Variants in COL6A3 observed in about 807,000 individuals in gnomAD.
COL6A3 encodes collagen alpha-3(VI) chain.
Under a neutral mutation model 274.1 loss-of-function variants are expected in COL6A3, and 137 were observed. The ratio of observed to expected loss-of-function variants is 0.50; its 90% CI spans 0.44 to 0.58. The LOEUF (loss-of-function observed/expected upper bound fraction) is 0.58, where lower values mean the gene tolerates loss of function less well. Among genes scored for constraint, COL6A3 ranks in the 20% least tolerant of loss-of-function variants. The pLI is 0.00. For missense variants in COL6A3, 3,950 were observed against 4,124.9 expected (o/e 0.96, Z 1.16); for synonymous variants, 1,650 against 1,650.6 (o/e 1.00, Z 0.01).
Position 237,374,817 on chromosome 2 carries a change from C to T in COL6A3, c.3274G>A (p.Val1092Ile), listed in dbSNP as rs576798969. 32 of 1,614,044 alleles carry T rather than the reference C, an allele frequency of 2.0e-5. No individual in the cohort carries two copies. The highest frequency in any genetic ancestry group is 5.5e-5 in the South Asian group (5 of 91,082). Residue 1092 changes from valine (V) to isoleucine (I), a missense_variant, in exon 8 of 44, where the codon GTC becomes ATC. By Grantham distance (29) the Val-to-Ile change is conservative. Around this residue, in one of 5 missense-constraint regions of COL6A3, gnomAD observed 1,934 missense variants for 1,984.3 expected, o/e 0.97. Coordinates refer to ENST00000295550, the MANE Select transcript of COL6A3 (RefSeq NM_004369.4). The surrounding 1 kb of genome is among the most constrained non-coding windows in gnomAD (Gnocchi z 4.8). Reference sequence around the variant, plus strand: ...AGGGTCAGCTGGCGGACAGCGTTGACGACGTCCTGCTTGTTCATGTATGAA... The same window carrying T: ...AGGGTCAGCTGGCGGACAGCGTTGATGACGTCCTGCTTGTTCATGTATGAA... Reference protein sequence around the residue: ...LNSYMNKQDVVNAVRQLTLLG... With the variant: ...LNSYMNKQDVINAVRQLTLLG...
rs77181645 is a variant in COL6A3, at chr2:237,378,645, C to A, written c.2488G>T (p.Ala830Ser). 14,266 of 1,612,522 alleles carry A rather than the reference C, an allele frequency of 8.8e-3. 533 individuals are homozygous for A. In the Admixed American group the frequency reaches 0.094, roughly 11 times the overall value. The part of the protein sequence containing the change: ...VSGGVEEVPL[A>S]QPESKRDILF... ...AACAGGGGAGGTTTACCTGGCTGAG[C>A]GAGTGGTACTTCCTCCACACCTCCA... The change falls in exon 6 of 44, where the codon GCT becomes TCT. Residue 830 changes from alanine to serine, a missense_variant. Ala to Ser is a moderately conservative substitution (Grantham distance 99). Coordinates refer to ENST00000295550, the MANE Select transcript of COL6A3 (RefSeq NM_004369.4).
intron 41 of COL6A3, 136 bp from the exon 42 acceptor site, chr2:237,333,684 C>G: frequency 1.3e-6 from 1 of 747,388 alleles, no homozygotes; most frequent in Non-Finnish European, 2.3e-6. Flanking sequence ...GACACAGATC[C>G]AAGACACCTC....
chr2:237,404,662 G>T (rs754967712), intron 1 of COL6A3, among the ~76,000 whole-genome samples: 9 of 152,138 alleles, frequency 5.9e-5, no homozygotes, highest in Non-Finnish European at 1.2e-4. Flanking sequence ...GCCTTGAGCA[G>T]GTTTTGCTAA....
At position 237,387,632 on chromosome 2, in the gene COL6A3, C is replaced by A. The variant is rs1424319530; in HGVS notation, c.1262G>T (p.Gly421Val). Reference protein sequence around the residue: ...LQEKLLPYIVGVAQRHIVLKP... With the variant: ...LQEKLLPYIVVVAQRHIVLKP... ...CAAGACAATGTGCCTTTGGGCCACGCCAACAATGTACGGCAGTAATTTCTC... is the reference window on the plus strand; with the variant it reads ...CAAGACAATGTGCCTTTGGGCCACGACAACAATGTACGGCAGTAATTTCTC... The change falls in exon 4 of 44, where the codon GGC (glycine) becomes GTC (valine). Residue 421 changes from glycine (G) to valine (V), a missense_variant. Physicochemically the swap from Gly to Val is moderately radical, Grantham distance 109 (BLOSUM62 -3). Transcript: ENST00000295550. The A allele has an allele frequency of 4.3e-6, 7 of 1,613,780 alleles. No homozygotes were observed. Among genetic ancestry groups the A allele is most frequent in the South Asian group, 1.1e-5 (1 of 90,936 alleles).
Position 237,340,557 on chromosome 2 carries a change from C to T in COL6A3, c.8359G>A (p.Ala2787Thr), listed in dbSNP as rs763395740. The change falls in exon 38 of 44, where the codon GCC (alanine) becomes ACC (threonine). Residue 2787 changes from alanine (A) to threonine (T), a missense_variant. Physicochemically the swap from Ala to Thr is moderately conservative, Grantham distance 58. Coordinates refer to ENST00000295550, the MANE Select transcript of COL6A3 (RefSeq NM_004369.4). ...AAGAAGACGTCGTTTGGCTCACTGG[C>T]GAAGGTGTATACCTCCTTGATGTTC... ...KVNIKEVYTFASEPNDVFFKL... is the reference protein window; with the variant it reads ...KVNIKEVYTFTSEPNDVFFKL... 76 of 1,614,156 alleles carry T rather than the reference C, an allele frequency of 4.7e-5. No homozygotes were observed. The highest frequency in any genetic ancestry group is 1.8e-4 in the Admixed American group (11 of 60,024).
chr2:237,342,072 A>G lies in COL6A3; in HGVS notation c.7758T>C (p.Val2586=). Residue 2586 remains valine (V), a synonymous_variant, in exon 37 of 44, where the codon GTT becomes GTC. Transcript: ENST00000295550. The part of the protein sequence containing the change: ...DFLENVLTCH[V]CLDICNIDPS... ...GTTAGAGAAACAGCTTACCCAAGCA[A>G]ACATGACACGTGAGGACATTCTCCA... is the stretch of plus-strand genomic sequence containing the variant. The G allele has an allele frequency of 1.2e-6, 2 of 1,614,202 alleles. No individual in the cohort carries two copies. The highest frequency in any genetic ancestry group is 1.7e-6 in the Non-Finnish European group (2 of 1,180,014).
intron 7 of COL6A3, among the ~76,000 whole-genome samples, 198 bp from the exon 8 acceptor site, chr2:237,375,218 G>A (rs2077805867): frequency 6.6e-6 from 1 of 152,210 alleles, no homozygotes; most frequent in Non-Finnish European, 1.5e-5. Flanking sequence ...TGGGCCCAAT[G>A]TAATCAATCA....
At chr2:237,353,438 G>A (rs1431805931) in intron 24 of COL6A3, 35 bp from the exon 25 acceptor site, 2 of 1,581,158 alleles carry the variant, frequency 1.3e-6, no homozygotes, top group Non-Finnish European at 1.7e-6. Flanking sequence ...GAGGAGTCAG[G>A]ATGGTTCCTG....
At chr2:237,350,113 C>A (rs113689232) in intron 28 of COL6A3, 34 bp downstream of exon 28, 4 of 1,607,480 alleles carry the variant, frequency 2.5e-6, no homozygotes, top group Admixed American at 3.3e-5. Context: ...AAAGAGTCAG[C>A]GACAGCCTGA....
intron 3 of COL6A3, among the ~76,000 whole-genome samples, chr2:237,392,047 T>C (rs949283792): frequency 9.2e-5 from 14 of 152,122 alleles, no homozygotes; most frequent in African/African-American, 3.4e-4. Context: ...GTGAGGCCTG[T>C]CATTTGGAAG....
In COL6A3 at chr2:237,348,659, T is replaced by C; in HGVS notation, c.6884A>G (p.Asp2295Gly). Residue 2295 changes from aspartate to glycine, a missense_variant, in exon 29 of 44, where the codon GAT becomes GGT. By Grantham distance (94) the Asp-to-Gly change is moderately conservative (BLOSUM62 -1). Around this residue, in one of 5 missense-constraint regions of COL6A3, gnomAD observed 1,284 missense variants for 1,349.7 expected, o/e 0.95. Transcript: ENST00000295550. The part of the protein sequence containing the change: ...GNRGPRGETG[D>G]DGRDGVGSEG... The stretch of plus-strand genomic sequence containing the variant: ...ACTGCCAACTCCGTCTCTCCCGTCA[T>C]CTCCCTAAGAGTGGGAAAGAGATGT... The C allele has an allele frequency of 1.2e-6, 2 of 1,614,144 alleles. No homozygotes were observed. The highest frequency in any genetic ancestry group is 8.5e-7 in the Non-Finnish European group (1 of 1,180,010).
At chr2:237,395,394 G>A (rs1441980876) in intron 2 of COL6A3, among the ~76,000 whole-genome samples, 190 bp from the exon 3 acceptor site, 5 of 152,178 alleles carry the variant, frequency 3.3e-5, no homozygotes, top group African/African-American at 1.2e-4. Flanking sequence ...CTCAATAGCT[G>A]CTGGTGCCCA....
At position 237,344,055 on chromosome 2, in the gene COL6A3, A is replaced by G. The variant is rs556316320; in HGVS notation, c.7668+295T>C. The G allele has an allele frequency of 1.2e-4, 59 of 483,752 alleles. No individual in the cohort carries two copies. The Middle Eastern group carries it at 3.0e-3, about 25-fold the overall frequency. 30.0% of individuals were successfully genotyped at this position (483,752 alleles called of 1,614,324 possible). ...ATGAATAAAGCAAACAAGTCACACCACCTTGTTAGTAGATAGAGAGTGTCA... is the reference window on the plus strand; with the variant it reads ...ATGAATAAAGCAAACAAGTCACACCGCCTTGTTAGTAGATAGAGAGTGTCA... On this transcript the variant is annotated intron_variant, in intron 36 of 43. Transcript: ENST00000295550. The surrounding 1 kb of genome is among the most constrained non-coding windows in gnomAD (Gnocchi z 4.8).
At chr2:237,397,152 A>AGG (rs2078467408) in intron 1 of COL6A3, among the ~76,000 whole-genome samples, 1 of 131,592 alleles carries the variant, frequency 7.6e-6, no homozygotes, top group African/African-American at 2.9e-5. Flanking sequence ...AGGGAAGGGA[A>AGG]GAGAAGGGAA....
Position 237,413,238 on chromosome 2 carries a change from C to T in COL6A3, c.-31+715G>A, listed in dbSNP as rs932611689. The stretch of plus-strand genomic sequence containing the variant: ...AGCCCCAGGGGCCCTGCCTTAGACA[C>T]TCAGCATGCTGCCCAAATGCCCAAT... On this transcript the variant is annotated intron_variant, in intron 1 of 43. Coordinates refer to ENST00000295550, the MANE Select transcript of COL6A3 (RefSeq NM_004369.4). The surrounding 1 kb of genome is among the most constrained non-coding windows in gnomAD (Gnocchi z 4.0). Among the ~76,000 whole-genome samples, 5 of 152,228 alleles carry T rather than the reference C, an allele frequency of 3.3e-5. No homozygotes were observed. Among genetic ancestry groups the T allele is most frequent in the African/African-American group, 1.2e-4 (5 of 41,462 alleles).
At chr2:237,398,117 G>A (rs1379902278) in intron 1 of COL6A3, among the ~76,000 whole-genome samples, 1 of 152,180 alleles carries the variant, frequency 6.6e-6, no homozygotes, top group African/African-American at 2.4e-5. Context: ...CAGCAGCTGG[G>A]ACCATGTCAA....
intron 8 of COL6A3, 65 bp from the exon 9 acceptor site, chr2:237,372,402 ACCGCC>A: frequency 6.3e-7 from 1 of 1,599,458 alleles, no homozygotes; most frequent in Non-Finnish European, 8.5e-7. Context: ...TTCATGAGCC[ACCGCC>A]CAGTTTGTCA....
At chr2:237,377,970 T>C (rs1826873) in intron 6 of COL6A3, among the ~76,000 whole-genome samples, 50,799 of 152,172 alleles carry the variant, frequency 0.33, 9,300 homozygotes, top group African/African-American at 0.49. Flanking sequence ...GGCACCGCAA[T>C]GTGTAATGTA....
rs2077048882 is a variant in COL6A3, at chr2:237,344,127, G to A, written c.7668+223C>T. 1.5e-6 allele frequency: 1 copy of A among 658,634 alleles called. No individual in the cohort carries two copies. The highest frequency in any genetic ancestry group is 1.7e-5 in the South Asian group (1 of 57,978). 40.8% of individuals were successfully genotyped at this position (658,634 alleles called of 1,614,324 possible). ...GGCAAGAGCTGTCAACATGTGAGGA[G>A]GGACCTGGGGGCAGTGCTACAAGCA... On this transcript the variant is annotated intron_variant, in intron 36 of 43. Transcript: ENST00000295550. This position sits in a 1 kb window ranked among gnomAD's most constrained non-coding sequence, Gnocchi z 4.8.
Sources: gnomAD v4.1 joint callset for allele counts (sites outside exome capture counted in the v4.1 genomes callset) on GRCh38, gnomAD v4.1.1 for gene constraint, gnomAD v4.1.1 regional missense constraint, Gnocchi (gnomAD v3.1) non-coding constraint, MANE v1.5 for transcripts, NCBI Gene and HGNC (gene_info 2026-07-23, HGNC 2026-07-21) for gene names.